Variants in CRADD observed in about 807,000 individuals in gnomAD.
CRADD encodes death domain-containing protein CRADD.
Under a neutral mutation model 15.5 loss-of-function variants are expected in CRADD, and 9 were observed. That is an observed-to-expected ratio of 0.58 (90% confidence interval 0.35 to 1.01). The LOEUF (loss-of-function observed/expected upper bound fraction) is 1.01, where lower values mean the gene tolerates loss of function less well. Among genes scored for constraint, CRADD ranks in the 50% least tolerant of loss-of-function variants. The probability of loss-of-function intolerance (pLI) is 0.02; values close to 1 mark genes in which losing one functional copy is unlikely to be tolerated. For missense variants in CRADD, 227 were observed against 250.3 expected, an observed-to-expected ratio of 0.91 and a Z score of 0.63; for synonymous variants, 118 against 107.6, an observed-to-expected ratio of 1.10 and a Z score of -0.60.
At chr12:93,758,480 AATTAAT>A (rs1445779053) in intron 2 of CRADD, among the ~76,000 whole-genome samples, 1 of 152,020 alleles carries the variant, frequency 6.6e-6, no homozygotes, top group African/African-American at 2.4e-5. Flanking sequence ...ATGACTTTTA[AATTAAT>A]ATTAATATTA....
At chr12:93,704,787 G>C (rs1487435856) in intron 2 of CRADD, among the ~76,000 whole-genome samples, 2 of 152,108 alleles carry the variant, frequency 1.3e-5, no homozygotes, top group African/African-American at 4.8e-5. Flanking sequence ...ACCATTCCCT[G>C]CCTTCTCCCT....
At position 93,695,489 on chromosome 12, in the gene CRADD, A is replaced by G. The variant is rs187432505; in HGVS notation, c.298+16417A>G. The stretch of plus-strand genomic sequence containing the variant: ...CAAAAGCTTCTGCACAGGAAACAAC[A>G]GAGTAAAGAAGTAACCTATGGAATG... On this transcript the variant is annotated intron_variant, in intron 2 of 2. Coordinates refer to ENST00000332896, the MANE Select transcript of CRADD (RefSeq NM_003805.5). Among the ~76,000 whole-genome samples, 6 of 152,368 alleles carry G rather than the reference A, an allele frequency of 3.9e-5. No individual in the cohort carries two copies. The East Asian group carries it at 1.2e-3, about 29-fold the overall frequency.
At chr12:93,731,020 C>CCCT (rs1203263349) in intron 2 of CRADD, among the ~76,000 whole-genome samples, 6 of 151,852 alleles carry the variant, frequency 4.0e-5, no homozygotes, top group African/African-American at 1.5e-4. Context: ...ACCCGGCTGA[C>CCCT]CCTCATTTGC....
chr12:93,808,772 G>A (rs1957580015), intron 2 of CRADD, among the ~76,000 whole-genome samples: 1 of 152,098 alleles, frequency 6.6e-6, no homozygotes, highest in Non-Finnish European at 1.5e-5. Context: ...GCTTGCCCAG[G>A]TCACCTCTGA....
intron 2 of CRADD, among the ~76,000 whole-genome samples, chr12:93,808,836 G>C (rs1201937931): frequency 1.3e-5 from 2 of 151,686 alleles, no homozygotes; most frequent in Non-Finnish European, 2.9e-5. Context: ...GGGGAAAGTA[G>C]ACCACAGTGG....
intron 2 of CRADD, chr12:93,735,486 T>C (rs1474608732): frequency 2.6e-5 from 4 of 152,242 alleles, no homozygotes; most frequent in African/African-American, 4.8e-5. Flanking sequence ...TTTATGTTTA[T>C]ATCCTCAAAG....
intron 2 of CRADD, among the ~76,000 whole-genome samples, chr12:93,752,043 T>G (rs1018938542): frequency 2.0e-5 from 3 of 152,226 alleles, no homozygotes; most frequent in Admixed American, 2.0e-4. Context: ...TGAGAACCTT[T>G]GAAAGCATCT....
At position 93,850,697 on chromosome 12, in the gene CRADD, CATA is replaced by C. The variant is rs1178180480; in HGVS notation, c.*429_*431del. The C allele has an allele frequency of 1.0e-5, 10 of 983,526 alleles. No individual in the cohort carries two copies. The highest frequency in any genetic ancestry group is 1.1e-5 in the Non-Finnish European group (9 of 828,818). The allele number at this position is 983,526 out of a possible 1,614,324, so 60.9% of individuals were successfully genotyped here. A position where few individuals can be genotyped will look rare whatever the true frequency, so the allele number is the denominator to read the frequency against. ...GGACTGAACTGTGGACTTTACTATT[CATA>C]ATGATAAAATAATAAAATGCGAATT... On this transcript the variant is annotated 3_prime_UTR_variant, in exon 3 of 3. Transcript: ENST00000332896. The surrounding 1 kb of genome is among the most constrained non-coding windows in gnomAD (Gnocchi z 4.0).
intron 2 of CRADD, among the ~76,000 whole-genome samples, chr12:93,707,446 T>C (rs1955973236): frequency 6.6e-6 from 1 of 152,194 alleles, no homozygotes; most frequent in African/African-American, 2.4e-5. Context: ...CAGACTCAGA[T>C]GTCTGGTGCC....
intron 2 of CRADD, among the ~76,000 whole-genome samples, chr12:93,751,586 C>T (rs1360190176): frequency 6.6e-6 from 1 of 152,162 alleles, no homozygotes; most frequent in Non-Finnish European, 1.5e-5. Flanking sequence ...TATCTTGGGC[C>T]AGGCGTGGTG....
At chr12:93,782,338 G>C (rs1012668002) in intron 2 of CRADD, among the ~76,000 whole-genome samples, 10 of 139,052 alleles carry the variant, frequency 7.2e-5, no homozygotes, top group Non-Finnish European at 1.4e-4. Context: ...ACCGGGGACT[G>C]TTGTGGGGTT....
At chr12:93,684,789 A>G (rs1290470725) in intron 2 of CRADD, among the ~76,000 whole-genome samples, 2 of 152,170 alleles carry the variant, frequency 1.3e-5, no homozygotes, top group African/African-American at 4.8e-5. Flanking sequence ...GAGTTGATAC[A>G]GGGAGGAGAG....
At chr12:93,694,507 G>T (rs566636843) in intron 2 of CRADD, among the ~76,000 whole-genome samples, 1 of 152,174 alleles carries the variant, frequency 6.6e-6, no homozygotes, top group South Asian at 2.1e-4. Context: ...AAGGTATCTA[G>T]ATTAGAAAGA....
intron 2 of CRADD, among the ~76,000 whole-genome samples, chr12:93,726,098 T>TG (rs1956360574): frequency 7.4e-6 from 1 of 135,600 alleles, no homozygotes; most frequent in Non-Finnish European, 1.5e-5. Flanking sequence ...AGTTTAGTTT[T>TG]TTTTTTTTTT....
At chr12:93,708,269 AG>A (rs1955993610) in intron 2 of CRADD, 1 of 152,210 alleles carries the variant, frequency 6.6e-6, no homozygotes, top group African/African-American at 2.4e-5. Context: ...ATAAAAGTAC[AG>A]GTGATAAGAG....
chr12:93,842,659 G>A (rs1244847240), intron 2 of CRADD, among the ~76,000 whole-genome samples: 1 of 152,134 alleles, frequency 6.6e-6, no homozygotes, highest in Admixed American at 6.6e-5. Flanking sequence ...TTAGAGAGGA[G>A]ATTTTTAGTT....
intron 2 of CRADD, among the ~76,000 whole-genome samples, chr12:93,862,083 T>G (rs575041983): frequency 6.6e-6 from 1 of 152,290 alleles, no homozygotes; most frequent in Non-Finnish European, 1.5e-5. Flanking sequence ...CTCCTTTGCC[T>G]TCCACCATGC....
rs201824419 is a variant in CRADD, at chr12:93,763,452, CT to C, written c.298+84391del. Among the ~76,000 whole-genome samples the C allele has an allele frequency of 7.2e-4, 105 of 146,802 alleles. 1 individual carries two copies. Among genetic ancestry groups the C allele is most frequent in the Admixed American group, 1.4e-3 (20 of 14,774 alleles). ...CTGCAAGTCAAGTCAATATTTTCTT[CT>C]TTTTTTTTTTCATGTGGATAAACTG... On this transcript the variant is annotated intron_variant, in intron 2 of 2. Coordinates refer to ENST00000332896, the MANE Select transcript of CRADD (RefSeq NM_003805.5).
At chr12:93,723,196 T>G (rs1956295304) in intron 2 of CRADD, among the ~76,000 whole-genome samples, 1 of 152,186 alleles carries the variant, frequency 6.6e-6, no homozygotes, top group Non-Finnish European at 1.5e-5. Context: ...AAACCCCCTC[T>G]TTGCTTAGGG....
Sources: allele counts gnomAD v4.1 joint callset (sites outside exome capture counted in the v4.1 genomes callset), GRCh38; gene constraint gnomAD v4.1.1; non-coding constraint Gnocchi (gnomAD v3.1); transcripts MANE v1.5; gene names NCBI Gene and HGNC (gene_info 2026-07-23, HGNC 2026-07-21).